Variants in PRDM16 observed in about 807,000 individuals in gnomAD.
The protein encoded by PRDM16 is PR/SET domain 16.
PRDM16 carries 23 observed loss-of-function variants against 110.6 expected under a neutral mutation model. The observed-to-expected ratio is 0.21, with a 90% CI of 0.15 to 0.29. PRDM16 has a LOEUF of 0.29. Ranked by LOEUF, PRDM16 falls within the 10% of genes least tolerant of loss-of-function variation. The pLI is 1.00. For missense variants in PRDM16, 1,615 were observed against 1,794.3 expected, an observed-to-expected ratio of 0.90 and a Z score of 1.81; for synonymous variants, 799 against 781.8, an observed-to-expected ratio of 1.02 and a Z score of -0.37.
intron 3 of PRDM16, among the ~76,000 whole-genome samples, chr1:3,301,082 A>G (rs1328813484): frequency 6.6e-6 from 1 of 152,148 alleles, no homozygotes; most frequent in Non-Finnish European, 1.5e-5. Flanking sequence ...TGTAATCCCA[A>G]CACTTTGGGA....
At chr1:3,078,152 C>T (rs1641940866) in intron 1 of PRDM16, among the ~76,000 whole-genome samples, 1 of 152,182 alleles carries the variant, frequency 6.6e-6, no homozygotes, top group Non-Finnish European at 1.5e-5. Context: ...CCATTCCCAT[C>T]CGTCCTCTCA....
rs370328226 is a variant in PRDM16, at chr1:3,412,192, G to A, written c.1995G>A (p.Val665=). The change falls in exon 9 of 17, where the codon GTG becomes GTA. Residue 665 remains valine (V), a synonymous_variant. Transcript: ENST00000270722. ...GGGCCCCGAACAGCGTGGCCGAGGT[G>A]CCTGTCTTCTATTCCCAGCACTCAT... The part of the protein sequence containing the change: ...PPGAPNSVAE[V]PVFYSQHSFF... 50 of 1,595,794 alleles carry A rather than the reference G, an allele frequency of 3.1e-5. No individual in the cohort carries two copies. Among genetic ancestry groups the A allele is most frequent in the East Asian group, 4.5e-5 (2 of 44,440 alleles).
At chr1:3,284,572 G>A (rs1484719671) in intron 3 of PRDM16, among the ~76,000 whole-genome samples, 1 of 152,196 alleles carries the variant, frequency 6.6e-6, no homozygotes, top group Non-Finnish European at 1.5e-5. Context: ...AGCAGCCAGA[G>A]TTCAGCCCTG....
Position 3,201,687 on chromosome 1 carries a change from T to C in PRDM16, c.387+15213T>C, listed in dbSNP as rs2100829056. ...GGGGACCCCAGCCACTTCCAGCACC[T>C]GCAGGGCAGGACCTCCCCGCTTGGA... On this transcript the variant is annotated intron_variant, in intron 2 of 16. Transcript: ENST00000270722. This position sits in a 1 kb window ranked among gnomAD's most constrained non-coding sequence, Gnocchi z 4.1. 6.6e-6 allele frequency among the ~76,000 whole-genome samples: 1 copy of C among 152,320 alleles called. No individual in the cohort carries two copies. Among genetic ancestry groups the C allele is most frequent in the African/African-American group, 2.4e-5 (1 of 41,584 alleles).
intron 3 of PRDM16, among the ~76,000 whole-genome samples, chr1:3,284,046 G>GGGGGGCCTGGAGCT (rs796885210): frequency 9.9e-5 from 15 of 152,240 alleles, no homozygotes; most frequent in African/African-American, 3.6e-4. Flanking sequence ...AGCGGGCCTG[G>GGGGGGCCTGGAGCT]GGGGGCCTGG....
intron 2 of PRDM16, among the ~76,000 whole-genome samples, chr1:3,235,931 C>T (rs926152666): frequency 6.6e-6 from 1 of 152,042 alleles, no homozygotes; most frequent in Admixed American, 6.5e-5. Flanking sequence ...GGAGGAGCTG[C>T]GTCTTTGGCT....
chr1:3,350,367 G>A lies in PRDM16; in HGVS notation c.439-34785G>A, dbSNP rs78237317. Among the ~76,000 whole-genome samples, 631 of 152,102 alleles carry A rather than the reference G, an allele frequency of 4.1e-3. 2 individuals are homozygous for A. Among genetic ancestry groups the A allele is most frequent in the African/African-American group, 0.014 (585 of 41,492 alleles). Reference sequence around the variant, plus strand: ...AAGATCTGGAAGTGGGAGGGGAGGCGGCTCTCTACCTCCAACCTGGGCACC... The same window carrying A: ...AAGATCTGGAAGTGGGAGGGGAGGCAGCTCTCTACCTCCAACCTGGGCACC... On this transcript the variant is annotated intron_variant, in intron 3 of 16. Coordinates refer to ENST00000270722, the MANE Select transcript of PRDM16 (RefSeq NM_022114.4). The surrounding 1 kb of genome is among the most constrained non-coding windows in gnomAD (Gnocchi z 7.1).
intron 1 of PRDM16, among the ~76,000 whole-genome samples, chr1:3,164,801 A>G (rs1643932393): frequency 6.6e-6 from 1 of 152,068 alleles, no homozygotes; most frequent in African/African-American, 2.4e-5. Context: ...CTGTTGGGAA[A>G]TGGAGGTCGC....
Position 3,127,496 on chromosome 1 carries a change from G to A in PRDM16, c.37+58200G>A, listed in dbSNP as rs145509725. Among the ~76,000 whole-genome samples the A allele has an allele frequency of 3.9e-3, 593 of 152,294 alleles. 5 individuals carry two copies. The highest frequency in any genetic ancestry group is 0.013 in the African/African-American group (559 of 41,548). On this transcript the variant is annotated intron_variant, in intron 1 of 16. Coordinates refer to ENST00000270722, the MANE Select transcript of PRDM16 (RefSeq NM_022114.4). The stretch of plus-strand genomic sequence containing the variant: ...GAGAGAAAGCAAACCAGTTACCAGC[G>A]AGCCACAGCCTAGCTTCCCCGGGCA...
chr1:3,317,745 G>C (rs575768475), intron 3 of PRDM16, among the ~76,000 whole-genome samples: 1 of 152,184 alleles, frequency 6.6e-6, no homozygotes, highest in African/African-American at 2.4e-5. Flanking sequence ...CTCCTCCTCC[G>C]GACACCACCA....
Position 3,405,488 on chromosome 1 carries a change from T to C in PRDM16, c.1033-7T>C. The C allele has an allele frequency of 6.4e-7, 1 of 1,560,864 alleles. No homozygotes were observed. Among genetic ancestry groups the C allele is most frequent in the Non-Finnish European group, 8.7e-7 (1 of 1,150,268 alleles). On this transcript the variant is annotated splice_region_variant and splice_polypyrimidine_tract_variant and intron_variant, in intron 7 of 16. Transcript: ENST00000270722. ...AGGGCACGCGCCAACGGCATCCGTC[T>C]CCCCAGGTGTTCACGGACCCCAGCA...
At chr1:3,166,560 A>T (rs1569739264) in intron 1 of PRDM16, among the ~76,000 whole-genome samples, 1 of 152,238 alleles carries the variant, frequency 6.6e-6, no homozygotes, top group Non-Finnish European at 1.5e-5. Flanking sequence ...CACTGGCCTC[A>T]AAAGAGAAAG....
At chr1:3,285,056 G>T (rs1640814676) in intron 3 of PRDM16, among the ~76,000 whole-genome samples, 1 of 152,150 alleles carries the variant, frequency 6.6e-6, no homozygotes, top group Non-Finnish European at 1.5e-5. Context: ...CCCTGGACGG[G>T]GTGCAAGGGA....
intron 1 of PRDM16, among the ~76,000 whole-genome samples, chr1:3,183,706 C>T (rs1252815530): frequency 6.6e-6 from 1 of 152,228 alleles, no homozygotes; most frequent in Non-Finnish European, 1.5e-5. Flanking sequence ...GCTGATTTTC[C>T]TCCAGCGGGT....
In PRDM16 at chr1:3,141,598, C is replaced by T. The variant is rs185083069; in HGVS notation, c.38-44527C>T. 3.5e-4 allele frequency among the ~76,000 whole-genome samples: 54 copies of T among 152,358 alleles called. 1 individual carries two copies. The highest frequency in any genetic ancestry group is 3.0e-3 in the Admixed American group (46 of 15,306). On this transcript the variant is annotated intron_variant, in intron 1 of 16. Transcript: ENST00000270722. The stretch of plus-strand genomic sequence containing the variant: ...GGACCCTTCTGGGCCGCCCCACCTG[C>T]GAGGATGGGAGTCAGAAAGCCCAGG...
intron 1 of PRDM16, among the ~76,000 whole-genome samples, chr1:3,077,988 G>C (rs1170468905): frequency 6.6e-6 from 1 of 152,222 alleles, no homozygotes; most frequent in Non-Finnish European, 1.5e-5. Context: ...ACATGCAGTG[G>C]ATGCCTCCCC....
intron 2 of PRDM16, chr1:3,207,278 G>A (rs950397736): frequency 2.6e-5 from 4 of 152,210 alleles, no homozygotes; most frequent in South Asian, 2.1e-4. Flanking sequence ...AGCTCCCCAC[G>A]GCGCATACCC....
At position 3,385,193 on chromosome 1, in the gene PRDM16, A is replaced by C; in HGVS notation, c.480A>C (p.Ala160=). Residue 160 remains alanine, a synonymous_variant, in exon 4 of 17, where the codon GCA becomes GCC. Transcript: ENST00000270722. ...DLGSEKFCVD[A]NQAGAGSWLK... is the part of the protein sequence containing the mutation. ...GCAGTGAGAAGTTCTGCGTGGATGC[A>C]AATCAGGCGGGGGCTGGCAGCTGGC... 1 of 1,613,726 alleles carries C rather than the reference A, an allele frequency of 6.2e-7. No individual in the cohort carries two copies. Among genetic ancestry groups the C allele is most frequent in the Non-Finnish European group, 8.5e-7 (1 of 1,180,030 alleles).
At position 3,267,501 on chromosome 1, in the gene PRDM16, G is replaced by A. The variant is rs192294015; in HGVS notation, c.438+23364G>A. 5.9e-5 allele frequency among the ~76,000 whole-genome samples: 9 copies of A among 152,328 alleles called. No individual in the cohort carries two copies. In the East Asian group the frequency reaches 1.5e-3, roughly 26 times the overall value. Reference sequence around the variant, plus strand: ...TACGTGTGTACAAGGATCGATTCCCGTGGAGAGCGCCCTGGGTCTGGGATG... The same window carrying A: ...TACGTGTGTACAAGGATCGATTCCCATGGAGAGCGCCCTGGGTCTGGGATG... On this transcript the variant is annotated intron_variant, in intron 3 of 16. Transcript: ENST00000270722.
Sources: gnomAD v4.1 joint callset for allele counts (sites outside exome capture counted in the v4.1 genomes callset) on GRCh38, gnomAD v4.1.1 for gene constraint, Gnocchi (gnomAD v3.1) non-coding constraint, MANE v1.5 for transcripts, NCBI Gene and HGNC (gene_info 2026-07-23, HGNC 2026-07-21) for gene names.